GMDS: variants seen among roughly 807,000 people sequenced by gnomAD.
GMDS encodes the protein GDP-mannose 4,6 dehydratase.
In GMDS, 20 loss-of-function variants were observed where a neutral mutation model predicts 49.9. The observed-to-expected ratio is 0.40, with a 90% CI of 0.28 to 0.58. The LOEUF (loss-of-function observed/expected upper bound fraction) is 0.58, where lower values mean the gene tolerates loss of function less well. GMDS is among the 20% of genes least tolerant of loss of function. The pLI is 0.42. For missense variants in GMDS, 362 were observed against 481.4 expected, an observed-to-expected ratio of 0.75 and a Z score of 2.32; for synonymous variants, 177 against 178.6, an observed-to-expected ratio of 0.99 and a Z score of 0.07.
At chr6:1,939,948 A>T (rs879726297) in intron 6 of GMDS, among the ~76,000 whole-genome samples, 4 of 152,308 alleles carry the variant, frequency 2.6e-5, no homozygotes, top group Middle Eastern at 3.4e-3. Flanking sequence ...ACTAAGTCCT[A>T]CTAGGGACAG....
intron 1 of GMDS, among the ~76,000 whole-genome samples, chr6:2,203,809 T>C (rs778826292): frequency 2.0e-5 from 3 of 152,172 alleles, no homozygotes; most frequent in Non-Finnish European, 4.4e-5. Flanking sequence ...GGAAGGCAGG[T>C]GAAACATCAT....
At chr6:2,127,668 G>C (rs1214624769) in intron 1 of GMDS, among the ~76,000 whole-genome samples, 1 of 152,188 alleles carries the variant, frequency 6.6e-6, no homozygotes, top group Admixed American at 6.5e-5. Context: ...AGTGGGAAAC[G>C]AGCCGAGCGA....
chr6:1,906,908 A>G (rs1760806093), intron 7 of GMDS, among the ~76,000 whole-genome samples: 1 of 152,210 alleles, frequency 6.6e-6, no homozygotes, highest in South Asian at 2.1e-4. Context: ...GGAAATGGGC[A>G]GAGAACCCAC....
rs1762787867 is a variant in GMDS at position 1,624,593 on chromosome 6, A to G, written c.988-53T>C. 21 of 1,288,246 alleles carry G rather than the reference A, an allele frequency of 1.6e-5. No individual in the cohort carries two copies. In the South Asian group the frequency reaches 2.5e-4, roughly 16 times the overall value. 79.8% of individuals were successfully genotyped at this position (1,288,246 alleles called of 1,614,324 possible). On this transcript the variant is annotated intron_variant, in intron 9 of 10. Transcript: ENST00000380815. Reference sequence around the variant, plus strand: ...AGGCGTGGGTCGTGGGGGTGGGGGCAGCAGGTCCCGAGCCCCGGGAACTCC... The same window carrying G: ...AGGCGTGGGTCGTGGGGGTGGGGGCGGCAGGTCCCGAGCCCCGGGAACTCC...
chr6:1,871,316 AC>A (rs1488281020), intron 7 of GMDS, among the ~76,000 whole-genome samples: 1 of 152,098 alleles, frequency 6.6e-6, no homozygotes, highest in East Asian at 1.9e-4. Flanking sequence ...CTACGTAAAT[AC>A]GTTTAAGGAA....
At chr6:2,053,373 A>G in intron 4 of GMDS, among the ~76,000 whole-genome samples, 1 of 152,156 alleles carries the variant, frequency 6.6e-6, no homozygotes. Context: ...ATTAAGAAAT[A>G]AGACATAAAA....
chr6:2,118,316 T>A (rs905096628), intron 2 of GMDS, among the ~76,000 whole-genome samples: 8 of 152,232 alleles, frequency 5.3e-5, no homozygotes, highest in Non-Finnish European at 5.9e-5. Context: ...TTCCTTCTCA[T>A]GTCAGATTGC....
intron 4 of GMDS, among the ~76,000 whole-genome samples, chr6:1,972,835 T>C (rs941940171): frequency 9.8e-5 from 15 of 152,328 alleles, no homozygotes; most frequent in African/African-American, 3.6e-4. Flanking sequence ...TCTTGTGCTA[T>C]AATCACAAAC....
chr6:1,904,778 G>A (rs1395747784), intron 7 of GMDS, among the ~76,000 whole-genome samples: 1 of 152,186 alleles, frequency 6.6e-6, no homozygotes, highest in Non-Finnish European at 1.5e-5. Context: ...ATAGCCAGGA[G>A]CCCCCAGCAC....
At chr6:2,208,826 A>G (rs1452008219) in intron 1 of GMDS, among the ~76,000 whole-genome samples, 1 of 150,964 alleles carries the variant, frequency 6.6e-6, no homozygotes, top group African/African-American at 2.4e-5. Flanking sequence ...CACTAACTGA[A>G]TTCTAAGGCC....
chr6:2,157,297 C>T (rs797008277), intron 1 of GMDS, among the ~76,000 whole-genome samples: 17 of 152,314 alleles, frequency 1.1e-4, no homozygotes, highest in African/African-American at 4.1e-4. Context: ...CTACTTTGGG[C>T]AATAAGTTTC....
At chr6:2,221,678 AT>A (rs1277049169) in intron 1 of GMDS, among the ~76,000 whole-genome samples, 3 of 152,246 alleles carry the variant, frequency 2.0e-5, no homozygotes, top group African/African-American at 7.2e-5. Context: ...GTGAGCCACC[AT>A]GCCCGGCCTT....
chr6:1,690,208 G>A (rs1765126784), intron 9 of GMDS, among the ~76,000 whole-genome samples: 2 of 152,158 alleles, frequency 1.3e-5, no homozygotes, highest in Non-Finnish European at 2.9e-5. Context: ...ATCTTTTGCT[G>A]TGCAAAAGCT....
intron 4 of GMDS, among the ~76,000 whole-genome samples, chr6:1,996,231 CCAA>C (rs2127371862): frequency 6.6e-6 from 1 of 152,202 alleles, no homozygotes; most frequent in East Asian, 1.9e-4. Context: ...CTCCCTGCCC[CCAA>C]CAACTGCTTC....
chr6:2,022,511 GA>G (rs1768340651), intron 4 of GMDS, among the ~76,000 whole-genome samples: 2 of 152,162 alleles, frequency 1.3e-5, no homozygotes, highest in South Asian at 4.1e-4. Flanking sequence ...AATTTTAAAA[GA>G]AAAGGAGTGG....
At chr6:1,799,476 A>C (rs548061026) in intron 7 of GMDS, among the ~76,000 whole-genome samples, 4 of 152,298 alleles carry the variant, frequency 2.6e-5, no homozygotes, top group Non-Finnish European at 5.9e-5. Context: ...TAAATGGGAA[A>C]ACTGTGATCA....
At chr6:1,733,385 G>A (rs1463620933) in intron 8 of GMDS, among the ~76,000 whole-genome samples, 3 of 152,244 alleles carry the variant, frequency 2.0e-5, no homozygotes, top group Non-Finnish European at 2.9e-5. Context: ...GTCGGGAGCT[G>A]AATGGATGGG....
intron 4 of GMDS, among the ~76,000 whole-genome samples, chr6:2,082,200 TCAAA>T (rs1280053223): frequency 1.3e-5 from 2 of 152,056 alleles, no homozygotes; most frequent in African/African-American, 4.8e-5. Flanking sequence ...AAACACACAC[TCAAA>T]CAAAATCCAT....
chr6:2,209,554 T>TACATAC (rs1228178163), intron 1 of GMDS, among the ~76,000 whole-genome samples: 6 of 124,494 alleles, frequency 4.8e-5, no homozygotes, highest in Non-Finnish European at 8.6e-5. Flanking sequence ...CTAATACACA[T>TACATAC]ACATACACAT....
Sources: allele counts gnomAD v4.1 joint callset (sites outside exome capture counted in the v4.1 genomes callset), GRCh38; gene constraint gnomAD v4.1.1; transcripts MANE v1.5; gene names NCBI Gene and HGNC (gene_info 2026-07-23, HGNC 2026-07-21).